The following GPC5 variants were observed in gnomAD, a reference collection of about 807,000 sequenced individuals.
GPC5 encodes glypican 5.
In GPC5, 47 loss-of-function variants were observed where a neutral mutation model predicts 53.9. The observed-to-expected ratio is 0.87, with a 90% CI of 0.69 to 1.11. The LOEUF (loss-of-function observed/expected upper bound fraction) is 1.11, where lower values mean the gene tolerates loss of function less well. Ranked by LOEUF, GPC5 falls within the 50% of genes most tolerant of loss-of-function variation. The probability of loss-of-function intolerance (pLI) is 0.00; values close to 1 mark genes in which losing one functional copy is unlikely to be tolerated. For missense variants in GPC5, 748 were observed against 713.1 expected, an observed-to-expected ratio of 1.05 and a Z score of -0.56; for synonymous variants, 286 against 263.3, an observed-to-expected ratio of 1.09 and a Z score of -0.84.
intron 7 of GPC5, among the ~76,000 whole-genome samples, chr13:92,613,272 TTATA>T (rs1164192254): frequency 8.1e-6 from 1 of 123,732 alleles, no homozygotes; most frequent in Non-Finnish European, 1.6e-5. Flanking sequence ...TATATATAAA[TTATA>T]TAATATATAT....
intron 7 of GPC5, among the ~76,000 whole-genome samples, chr13:92,307,429 G>A (rs2043118237): frequency 6.6e-6 from 1 of 152,150 alleles, no homozygotes; most frequent in African/African-American, 2.4e-5. Context: ...ACTCCAGCCT[G>A]GGCAATAGTT....
chr13:92,223,942 G>A (rs978071364), intron 7 of GPC5, among the ~76,000 whole-genome samples: 2 of 151,902 alleles, frequency 1.3e-5, no homozygotes, highest in Admixed American at 6.6e-5. Context: ...GGAAATAAAT[G>A]AGCAAAACAG....
chr13:92,770,545 T>G (rs1875575855), intron 7 of GPC5, among the ~76,000 whole-genome samples: 2 of 152,188 alleles, frequency 1.3e-5, no homozygotes, highest in African/African-American at 4.8e-5. Context: ...TCTTTTATCT[T>G]GTGTTTCTTT....
At chr13:92,203,629 G>C (rs2042310923) in intron 7 of GPC5, among the ~76,000 whole-genome samples, 1 of 138,582 alleles carries the variant, frequency 7.2e-6, no homozygotes, top group Non-Finnish European at 1.6e-5. Context: ...CTAAAACTTA[G>C]AGTATAATAA....
intron 7 of GPC5, among the ~76,000 whole-genome samples, chr13:92,264,813 A>G (rs1187360162): frequency 6.6e-6 from 1 of 150,608 alleles, no homozygotes; most frequent in Non-Finnish European, 1.5e-5. Flanking sequence ...AAGTCCTTTC[A>G]AATTATTGAA....
intron 7 of GPC5, among the ~76,000 whole-genome samples, chr13:92,510,650 G>A (rs1201909747): frequency 6.6e-6 from 1 of 152,146 alleles, no homozygotes; most frequent in Non-Finnish European, 1.5e-5. Context: ...CCATCTGTAG[G>A]AACTGGTATT....
At chr13:92,573,389 T>C (rs1221671107) in intron 7 of GPC5, among the ~76,000 whole-genome samples, 1 of 152,204 alleles carries the variant, frequency 6.6e-6, no homozygotes, top group East Asian at 1.9e-4. Context: ...ATTTAAAAAG[T>C]AGTGCTGAAC....
intron 6 of GPC5, among the ~76,000 whole-genome samples, chr13:91,959,573 C>G (rs1289329494): frequency 6.6e-6 from 1 of 151,924 alleles, no homozygotes; most frequent in Admixed American, 6.6e-5. Flanking sequence ...ATACCAAAAC[C>G]AGCTTAGGAC....
chr13:91,656,598 G>A (rs1323457713), intron 2 of GPC5, among the ~76,000 whole-genome samples: 1 of 152,134 alleles, frequency 6.6e-6, no homozygotes, highest in Non-Finnish European at 1.5e-5. Flanking sequence ...GTGTAGCAGA[G>A]AAACTCCACT....
At chr13:92,164,215 A>G (rs1210369700) in intron 7 of GPC5, among the ~76,000 whole-genome samples, 1 of 152,116 alleles carries the variant, frequency 6.6e-6, no homozygotes, top group Non-Finnish European at 1.5e-5. Context: ...ATGCCTTTCC[A>G]GCAGTCCCCC....
At chr13:91,892,523 ATATTAATTGTTATTTT>A (rs2039397866) in intron 5 of GPC5, among the ~76,000 whole-genome samples, 1 of 151,744 alleles carries the variant, frequency 6.6e-6, no homozygotes, top group African/African-American at 2.4e-5. Context: ...AAAATTATGT[ATATTAATTGTTATTTT>A]ACTTTTTAGT....
At chr13:92,654,822 C>T (rs1886073886) in intron 7 of GPC5, among the ~76,000 whole-genome samples, 1 of 151,212 alleles carries the variant, frequency 6.6e-6, no homozygotes, top group South Asian at 2.1e-4. Flanking sequence ...GTGAATGTGA[C>T]TTTATTTGAA....
intron 2 of GPC5, among the ~76,000 whole-genome samples, chr13:91,519,031 G>A (rs770453607): frequency 5.3e-5 from 8 of 152,240 alleles, no homozygotes; most frequent in Middle Eastern, 3.4e-3. Context: ...AATACGGGAC[G>A]TGTGAAAGGA....
intron 2 of GPC5, among the ~76,000 whole-genome samples, chr13:91,473,509 A>T (rs1293463281): frequency 1.3e-5 from 2 of 152,076 alleles, no homozygotes; most frequent in Non-Finnish European, 2.9e-5. Context: ...TTTTGTTTGT[A>T]TGTTTAATTT....
In GPC5 at chr13:91,488,933, G is replaced by A. The variant is rs146377155; in HGVS notation, c.325+40011G>A. ...CTGAGGGGAGGCCTCGAAAATGGCCGCTTTGGGGGCGGCTGTCTTTTATGG... is the reference window on the plus strand; with the variant it reads ...CTGAGGGGAGGCCTCGAAAATGGCCACTTTGGGGGCGGCTGTCTTTTATGG... On this transcript the variant is annotated intron_variant, in intron 2 of 7. Coordinates refer to ENST00000377067, the MANE Select transcript of GPC5 (RefSeq NM_004466.6). 2.2e-3 allele frequency among the ~76,000 whole-genome samples: 339 copies of A among 152,312 alleles called. 1 individual carries two copies. The highest frequency in any genetic ancestry group is 7.5e-3 in the African/African-American group (312 of 41,560).
intron 7 of GPC5, among the ~76,000 whole-genome samples, chr13:92,355,459 G>A (rs929312232): frequency 3.9e-5 from 6 of 152,200 alleles, no homozygotes; most frequent in African/African-American, 1.4e-4. Flanking sequence ...TTCTTGATTT[G>A]CATTGCTGCT....
intron 3 of GPC5, among the ~76,000 whole-genome samples, chr13:91,721,916 G>T (rs1177794344): frequency 6.6e-6 from 1 of 152,074 alleles, no homozygotes; most frequent in African/African-American, 2.4e-5. Context: ...CATTCATCAA[G>T]ACTTAAAGTT....
At position 92,405,078 on chromosome 13, in the gene GPC5, G is replaced by C. The variant is rs181608739; in HGVS notation, c.1561+260089G>C. On this transcript the variant is annotated intron_variant, in intron 7 of 7. Transcript: ENST00000377067. ...CAAAACACTTCTAAAATTAAACATT[G>C]AAATAAATGTGAGCTATACATGCAT... Among the ~76,000 whole-genome samples the C allele has an allele frequency of 1.3e-4, 20 of 150,612 alleles. 1 individual carries two copies. Among genetic ancestry groups the C allele is most frequent in the Admixed American group, 1.3e-3 (19 of 14,984 alleles).
intron 7 of GPC5, among the ~76,000 whole-genome samples, chr13:92,756,313 T>C (rs891020518): frequency 1.3e-4 from 20 of 152,184 alleles, no homozygotes; most frequent in African/African-American, 4.8e-4. Context: ...ATAAATTAGG[T>C]ATTGATGGGA....
Sources: gnomAD v4.1 joint callset for allele counts (sites outside exome capture counted in the v4.1 genomes callset) on GRCh38, gnomAD v4.1.1 for gene constraint, MANE v1.5 for transcripts, NCBI Gene and HGNC (gene_info 2026-07-23, HGNC 2026-07-21) for gene names.